Variants in TCP10L observed in about 807,000 individuals in gnomAD.
TCP10L encodes t-complex 10 like, also known as T-complex protein 10A homolog 1.
A neutral mutation model predicts 19.2 loss-of-function variants in TCP10L; 11 were observed. That is an observed-to-expected ratio of 0.57 (90% CI 0.36 to 0.95). The LOEUF is 0.95. Ranked by LOEUF, TCP10L falls within the 40% of genes least tolerant of loss-of-function variation. The pLI is 0.01. For missense variants in TCP10L, 247 were observed against 263.9 expected, an observed-to-expected ratio of 0.94 and a Z score of 0.44; for synonymous variants, 96 against 97.2, an observed-to-expected ratio of 0.99 and a Z score of 0.07.
chr21:32,580,116 G>GT (rs923906840), intron 3 of TCP10L, among the ~76,000 whole-genome samples: 2 of 151,876 alleles, frequency 1.3e-5, no homozygotes, highest in African/African-American at 2.4e-5. Context: ...TGTTTGTTTT[G>GT]TTTTTTTCAG....
At position 32,579,891 on chromosome 21, in the gene TCP10L, C is replaced by T. The variant is rs529976341; in HGVS notation, c.361-1060G>A. Among the ~76,000 whole-genome samples, 7 of 152,294 alleles carry T rather than the reference C, an allele frequency of 4.6e-5. No individual in the cohort carries two copies. The South Asian group carries it at 1.2e-3, about 27-fold the overall frequency. Reference sequence around the variant, plus strand: ...TTTGTGGCAATTTCCCCCACTCTTCCTCTGACAGAGGAACAGCCTGCCCAG... The same window carrying T: ...TTTGTGGCAATTTCCCCCACTCTTCTTCTGACAGAGGAACAGCCTGCCCAG... On this transcript the variant is annotated intron_variant, in intron 3 of 4. Coordinates refer to ENST00000300258, the MANE Select transcript of TCP10L (RefSeq NM_144659.7).
intron 3 of TCP10L, among the ~76,000 whole-genome samples, chr21:32,580,554 C>T (rs2038482985): frequency 6.6e-6 from 1 of 150,396 alleles, no homozygotes; most frequent in Non-Finnish European, 1.5e-5. Flanking sequence ...ATTCTAAGTC[C>T]TGGAAGTACC....
At chr21:32,579,448 G>C (rs1044403161) in intron 3 of TCP10L, among the ~76,000 whole-genome samples, 3 of 152,156 alleles carry the variant, frequency 2.0e-5, no homozygotes, top group African/African-American at 7.2e-5. Context: ...GTGGGTGCTC[G>C]AGTCTCAGCC....
At chr21:32,581,970 T>C (rs2038499386) in intron 3 of TCP10L, among the ~76,000 whole-genome samples, 1 of 152,122 alleles carries the variant, frequency 6.6e-6, no homozygotes, top group Non-Finnish European at 1.5e-5. Context: ...ACACACGGCC[T>C]GGGGGCGGCA....
chr21:32,584,067 G>T, intron 2 of TCP10L, 94 bp downstream of exon 2: 5 of 1,496,898 alleles, frequency 3.3e-6, no homozygotes, highest in East Asian at 2.3e-5. Context: ...TCCTACAGGG[G>T]TCCAGCAAGG....
Position 32,576,874 on chromosome 21 carries a change from T to G in TCP10L, c.548A>C (p.Gln183Pro). The G allele has an allele frequency of 1.2e-6, 2 of 1,614,206 alleles. No individual in the cohort carries two copies. Among genetic ancestry groups the G allele is most frequent in the Non-Finnish European group, 8.5e-7 (1 of 1,180,036 alleles). Residue 183 changes from glutamine to proline, a missense_variant, in exon 5 of 5, where the codon CAG becomes CCG. Physicochemically the swap from Gln to Pro is moderately conservative, Grantham distance 76. Coordinates refer to ENST00000300258, the MANE Select transcript of TCP10L (RefSeq NM_144659.7). ...GGAAAGATTTTTATCTCTATTTTCC[T>G]GTGGTGGTGTTTTCCACGAGCTAAT... ...ERISSWKTPP[Q>P]ENRDKNLSRR...
At position 32,576,246 on chromosome 21, in the gene TCP10L, C is replaced by T; in HGVS notation, c.*528G>A. The T allele has an allele frequency of 2.6e-6, 4 of 1,562,664 alleles. No homozygotes were observed. Among genetic ancestry groups the T allele is most frequent in the Middle Eastern group, 1.9e-4 (1 of 5,204 alleles). ...CGGCTGCTGCCATCTGCTCCTGCAG[C>T]ATGGCGGCCTGGGAAGCCTGCACTG... On this transcript the variant is annotated 3_prime_UTR_variant, in exon 5 of 5. Coordinates refer to ENST00000300258, the MANE Select transcript of TCP10L (RefSeq NM_144659.7).
intron 2 of TCP10L, 65 bp downstream of exon 2, chr21:32,584,096 C>G (rs939937097): frequency 1.3e-6 from 2 of 1,543,578 alleles, no homozygotes; most frequent in Non-Finnish European, 1.8e-6. Context: ...AATGACGGGC[C>G]TCAGGGACAG....
chr21:32,577,898 T>C (rs1029605486), intron 4 of TCP10L, among the ~76,000 whole-genome samples: 1 of 152,206 alleles, frequency 6.6e-6, no homozygotes, highest in African/African-American at 2.4e-5. Flanking sequence ...TTCTATAGAT[T>C]ATAGATTAAC....
At chr21:32,583,386 G>A (rs1393248349) in intron 2 of TCP10L, among the ~76,000 whole-genome samples, 4 of 151,590 alleles carry the variant, frequency 2.6e-5, no homozygotes, top group African/African-American at 9.7e-5. Context: ...TCAGGAGATC[G>A]AGACCATCCC....
At position 32,582,145 on chromosome 21, in the gene TCP10L, G is replaced by C; in HGVS notation, c.360+55C>G. 3 of 1,585,548 alleles carry C rather than the reference G, an allele frequency of 1.9e-6. No homozygotes were observed. Among genetic ancestry groups the C allele is most frequent in the Non-Finnish European group, 2.6e-6 (3 of 1,160,094 alleles). On this transcript the variant is annotated intron_variant, in intron 3 of 4. Transcript: ENST00000300258. The surrounding 1 kb of genome is among the most constrained non-coding windows in gnomAD (Gnocchi z 4.2). ...GCAATAAAGCCCACATCTTTATGGG[G>C]ACGCTATTTTTACATAACGCAAACG... is the stretch of plus-strand genomic sequence containing the variant.
chr21:32,579,907 G>C (rs548422239), intron 3 of TCP10L, among the ~76,000 whole-genome samples: 1 of 152,256 alleles, frequency 6.6e-6, no homozygotes, highest in African/African-American at 2.4e-5. Flanking sequence ...CAGAGGAACA[G>C]CCTGCCCAGC....
intron 4 of TCP10L, chr21:32,577,460 C>A (rs2038448360): frequency 6.6e-6 from 1 of 152,530 alleles, no homozygotes; most frequent in Non-Finnish European, 1.5e-5. Context: ...TTCTGATCTT[C>A]CTTCAGGGAA....
At chr21:32,583,516 G>A (rs992517362) in intron 2 of TCP10L, among the ~76,000 whole-genome samples, 9 of 149,060 alleles carry the variant, frequency 6.0e-5, no homozygotes, top group Non-Finnish European at 1.3e-4. Flanking sequence ...GTGAACCCGG[G>A]AGGCGGAGCT....
In TCP10L at chr21:32,576,262, G is replaced by A; in HGVS notation, c.*512C>T. 1 of 1,573,368 alleles carries A rather than the reference G, an allele frequency of 6.4e-7. No individual in the cohort carries two copies. ...CTCCTGCAGCATGGCGGCCTGGGAA[G>A]CCTGCACTGGTGATTTTCTGCCACT... On this transcript the variant is annotated 3_prime_UTR_variant, in exon 5 of 5. Transcript: ENST00000300258.
In TCP10L at chr21:32,581,494, C is replaced by T. The variant is rs139214938; in HGVS notation, c.360+706G>A. ...CGGAGGGGTAAACTGAAAGAGCTCC[C>T]GCACTGTAACACACACCCTCTGGGG... On this transcript the variant is annotated intron_variant, in intron 3 of 4. Coordinates refer to ENST00000300258, the MANE Select transcript of TCP10L (RefSeq NM_144659.7). 3.6e-3 allele frequency among the ~76,000 whole-genome samples: 541 copies of T among 152,236 alleles called. 11 individuals carry two copies. Among genetic ancestry groups the T allele is most frequent in the South Asian group, 0.034 (166 of 4,818 alleles).
chr21:32,576,999 C>G, intron 4 of TCP10L, 76 bp from the exon 5 acceptor site: 6 of 1,414,932 alleles, frequency 4.2e-6, no homozygotes, highest in Non-Finnish European at 5.8e-6. Context: ...CACATCATAC[C>G]AGCTATCACA....
chr21:32,578,928 A>AC lies in TCP10L; in HGVS notation c.361-98_361-97insG, dbSNP rs1437260492. 6.3e-7 allele frequency: 1 copy of AC among 1,583,740 alleles called. No individual in the cohort carries two copies. The highest frequency in any genetic ancestry group is 8.6e-7 in the Non-Finnish European group (1 of 1,163,734). On this transcript the variant is annotated intron_variant, in intron 3 of 4. Transcript: ENST00000300258. This position sits in a 1 kb window ranked among gnomAD's most constrained non-coding sequence, Gnocchi z 4.2. ...AGAATAATTGGAATGTCCTAGAAAA[A>AC]AATAGGGTACAAGGTAGGGGGACTT...
chr21:32,576,291 GT>G lies in TCP10L; in HGVS notation c.*482del. The G allele has an allele frequency of 6.4e-7, 1 of 1,572,314 alleles. No individual in the cohort carries two copies. ...GCACTGGTGATTTTCTGCCACTCAA[GT>G]TTTGCAGACTTCGGGAAGATGGATG... On this transcript the variant is annotated 3_prime_UTR_variant, in exon 5 of 5. Transcript: ENST00000300258.
Sources: gnomAD v4.1 joint callset for allele counts (sites outside exome capture counted in the v4.1 genomes callset) on GRCh38, gnomAD v4.1.1 for gene constraint, Gnocchi (gnomAD v3.1) non-coding constraint, MANE v1.5 for transcripts, NCBI Gene and HGNC (gene_info 2026-07-23, HGNC 2026-07-21) for gene names.